The following OLFM3 variants were observed in gnomAD, a reference collection of about 807,000 sequenced individuals.
OLFM3 encodes noelin-3.
A neutral mutation model predicts 48.6 loss-of-function variants in OLFM3; 20 were observed. The ratio of observed to expected loss-of-function variants is 0.41; its 90% CI spans 0.29 to 0.60. The LOEUF is 0.60. Ranked by LOEUF, OLFM3 falls within the 20% of genes least tolerant of loss-of-function variation. The pLI is 0.28. For synonymous variants in OLFM3, 222 were observed against 198.1 expected, an observed-to-expected ratio of 1.12 and a Z score of -1.01; for missense variants, 437 against 544.3, an observed-to-expected ratio of 0.80 and a Z score of 1.96.
At chr1:101,826,064 T>G (rs1317030437) in intron 3 of OLFM3, among the ~76,000 whole-genome samples, 1 of 152,006 alleles carries the variant, frequency 6.6e-6, no homozygotes, top group Admixed American at 6.5e-5. Context: ...CCAAGGTGTG[T>G]AGTTTATGTA....
At chr1:101,848,677 T>C (rs1411932622) in intron 1 of OLFM3, among the ~76,000 whole-genome samples, 1 of 152,162 alleles carries the variant, frequency 6.6e-6, no homozygotes, top group Non-Finnish European at 1.5e-5. Flanking sequence ...GAAAGCCCTG[T>C]GAAATTTTAC....
At chr1:101,970,870 A>G (rs1268774407) in intron 1 of OLFM3, among the ~76,000 whole-genome samples, 2 of 152,230 alleles carry the variant, frequency 1.3e-5, no homozygotes, top group African/African-American at 4.8e-5. Context: ...CCTGAGGGAT[A>G]GCGCGTACAT....
intron 1 of OLFM3, among the ~76,000 whole-genome samples, chr1:101,953,315 T>C (rs1660199671): frequency 6.6e-6 from 1 of 152,260 alleles, no homozygotes; most frequent in South Asian, 2.1e-4. Flanking sequence ...CCTGTTTTTG[T>C]AAATAAAATT....
intron 1 of OLFM3, among the ~76,000 whole-genome samples, chr1:101,991,040 T>TATATATATATATATAC (rs1557760329): frequency 2.6e-5 from 3 of 114,550 alleles, no homozygotes; most frequent in African/African-American, 9.8e-5. Context: ...TATATATATA[T>TATATATATATATATAC]ACTTCGTGGT....
intron 1 of OLFM3, among the ~76,000 whole-genome samples, chr1:101,864,056 T>C (rs910416788): frequency 6.6e-6 from 1 of 152,206 alleles, no homozygotes; most frequent in Non-Finnish European, 1.5e-5. Context: ...TTCAGGGCTT[T>C]GAACTTTAGT....
chr1:101,808,469 T>G (rs917756787), intron 4 of OLFM3, among the ~76,000 whole-genome samples: 75 of 151,806 alleles, frequency 4.9e-4, no homozygotes, highest in African/African-American at 1.7e-3. Context: ...GTCAGAAACA[T>G]AAGTAGAAAG....
chr1:101,915,718 G>A (rs1198437034), intron 1 of OLFM3, among the ~76,000 whole-genome samples: 1 of 152,130 alleles, frequency 6.6e-6, no homozygotes, highest in Non-Finnish European at 1.5e-5. Context: ...ACACAGCTGA[G>A]GATATTCCAA....
At chr1:101,916,401 C>CCTT (rs142104696) in intron 1 of OLFM3, among the ~76,000 whole-genome samples, 11 of 150,498 alleles carry the variant, frequency 7.3e-5, no homozygotes, top group Non-Finnish European at 1.2e-4. Flanking sequence ...AATGTCTCTC[C>CCTT]TTTTTTTTTA....
intron 4 of OLFM3, among the ~76,000 whole-genome samples, chr1:101,821,573 T>C (rs1654609128): frequency 6.6e-6 from 1 of 152,080 alleles, no homozygotes; most frequent in African/African-American, 2.4e-5. Context: ...CAGGAGATGC[T>C]CAATAAGTGG....
intron 1 of OLFM3, among the ~76,000 whole-genome samples, chr1:101,937,107 G>A (rs1360662610): frequency 6.6e-6 from 1 of 152,072 alleles, no homozygotes; most frequent in Non-Finnish European, 1.5e-5. Flanking sequence ...AACAAAAACT[G>A]ACAAATGGGA....
chr1:101,829,997 GC>G (rs1186287270), intron 3 of OLFM3, among the ~76,000 whole-genome samples: 4 of 151,864 alleles, frequency 2.6e-5, no homozygotes, highest in Non-Finnish European at 4.4e-5. Context: ...ACCACACCCG[GC>G]TAATTTTTTT....
intron 1 of OLFM3, among the ~76,000 whole-genome samples, chr1:101,935,168 A>C (rs948717424): frequency 6.6e-6 from 1 of 152,062 alleles, no homozygotes; most frequent in Non-Finnish European, 1.5e-5. Context: ...AAAATACAAG[A>C]CATCAACGAA....
chr1:101,953,186 T>C (rs1660194754), intron 1 of OLFM3, among the ~76,000 whole-genome samples: 1 of 152,190 alleles, frequency 6.6e-6, no homozygotes, highest in South Asian at 2.1e-4. Flanking sequence ...TTCTCAACTT[T>C]TTATTGTGAC....
intron 1 of OLFM3, among the ~76,000 whole-genome samples, chr1:101,950,635 G>C (rs536580729): frequency 6.6e-6 from 1 of 151,870 alleles, no homozygotes; most frequent in Admixed American, 6.6e-5. Flanking sequence ...TAGTAGAGAC[G>C]GAGTTTCACC....
intron 3 of OLFM3, among the ~76,000 whole-genome samples, chr1:101,825,629 T>A (rs1397219149): frequency 6.6e-6 from 1 of 152,224 alleles, no homozygotes; most frequent in Non-Finnish European, 1.5e-5. Flanking sequence ...AATTATGAAT[T>A]AAGTTTGAAT....
chr1:101,940,293 A>G (rs1659747268), intron 1 of OLFM3, among the ~76,000 whole-genome samples: 1 of 151,454 alleles, frequency 6.6e-6, no homozygotes, highest in Non-Finnish European at 1.5e-5. Context: ...GAACCACAAT[A>G]GAGCTGTGCT....
chr1:101,880,642 G>A (rs10874524), intron 1 of OLFM3, among the ~76,000 whole-genome samples: 41,358 of 151,536 alleles, frequency 0.27, 5,842 homozygotes, highest in East Asian at 0.34. Flanking sequence ...TGCCCCTAGA[G>A]GTAGTTGTTA....
chr1:101,953,549 AT>A (rs1410449724), intron 1 of OLFM3, among the ~76,000 whole-genome samples: 1 of 152,116 alleles, frequency 6.6e-6, no homozygotes, highest in Non-Finnish European at 1.5e-5. Flanking sequence ...CCTTCTTGCT[AT>A]GAATCAGGCA....
intron 1 of OLFM3, among the ~76,000 whole-genome samples, chr1:101,891,664 A>G (rs189251156): frequency 1.1e-4 from 16 of 152,062 alleles, no homozygotes; most frequent in African/African-American, 3.9e-4. Flanking sequence ...TATCTACAGT[A>G]ATGTCAATTC....
Sources: allele counts gnomAD v4.1 joint callset (sites outside exome capture counted in the v4.1 genomes callset), GRCh38; gene constraint gnomAD v4.1.1; transcripts MANE v1.5; gene names NCBI Gene and HGNC (gene_info 2026-07-23, HGNC 2026-07-21).